Variants in DGKH observed in about 807,000 individuals in gnomAD.
DGKH encodes the protein diacylglycerol kinase eta.
Under a neutral mutation model 159.3 loss-of-function variants are expected in DGKH, and 90 were observed. The observed-to-expected ratio is 0.57, with a 90% CI of 0.48 to 0.67. The LOEUF is 0.67. Among genes scored for constraint, DGKH ranks in the 30% least tolerant of loss-of-function variants. DGKH has a pLI of 0.00. For missense variants in DGKH, 1,181 were observed against 1,506.1 expected (o/e 0.78, Z 3.57); for synonymous variants, 536 against 553.8 (o/e 0.97, Z 0.45).
At chr13:42,227,341 A>G (rs1958158574) in intron 29 of DGKH, among the ~76,000 whole-genome samples, 1 of 152,234 alleles carries the variant, frequency 6.6e-6, no homozygotes, top group Admixed American at 6.5e-5. Flanking sequence ...TTATACCAAA[A>G]TAGTAATTCT....
At chr13:42,217,094 A>G in intron 26 of DGKH, among the ~76,000 whole-genome samples, 1 of 152,224 alleles carries the variant, frequency 6.6e-6, no homozygotes, top group East Asian at 1.9e-4. Flanking sequence ...ACTTTTGACA[A>G]TAGTGATATT....
intron 1 of DGKH, among the ~76,000 whole-genome samples, chr13:42,097,553 G>A (rs1207208468): frequency 1.3e-5 from 2 of 152,278 alleles, no homozygotes; most frequent in Non-Finnish European, 1.5e-5. Flanking sequence ...TGTAGCCCCA[G>A]ATGCCGGCAA....
At chr13:42,167,106 T>A (rs1232733741) in intron 9 of DGKH, among the ~76,000 whole-genome samples, 2 of 151,970 alleles carry the variant, frequency 1.3e-5, no homozygotes, top group Non-Finnish European at 2.9e-5. Context: ...CAGACTCAGT[T>A]CACATAAATG....
At chr13:42,220,590 C>T (rs947492098) in intron 28 of DGKH, among the ~76,000 whole-genome samples, 8 of 152,116 alleles carry the variant, frequency 5.3e-5, no homozygotes, top group Middle Eastern at 3.4e-3. Flanking sequence ...ATTTAAAAAC[C>T]AAATACAGCA....
intron 21 of DGKH, among the ~76,000 whole-genome samples, chr13:42,207,173 C>T (rs1037151128): frequency 1.1e-4 from 10 of 91,368 alleles, no homozygotes; most frequent in East Asian, 8.8e-4. Flanking sequence ...TTCCTTCCTT[C>T]CTTCCTTCCT....
intron 26 of DGKH, chr13:42,216,505 CAT>C (rs2138227397): frequency 6.6e-6 from 1 of 152,302 alleles, no homozygotes; most frequent in Admixed American, 6.5e-5. Context: ...TACTAAGAGT[CAT>C]AGTATCTGGC....
intron 26 of DGKH, 82 bp downstream of exon 26, chr13:42,215,749 C>A: frequency 3.1e-6 from 4 of 1,286,084 alleles, no homozygotes; most frequent in Non-Finnish European, 2.2e-6. Flanking sequence ...AGGCATTTGG[C>A]AGATTCTAAG....
intron 1 of DGKH, among the ~76,000 whole-genome samples, chr13:42,053,529 TATATATGTATATATATAAC>T (rs1170918176): frequency 4.5e-5 from 3 of 66,032 alleles, no homozygotes; most frequent in African/African-American, 1.9e-4. Flanking sequence ...TATATATAAC[TATATATGTATATATATAAC>T]TATATATGTA....
At chr13:42,139,925 C>T (rs1287731657) in intron 3 of DGKH, among the ~76,000 whole-genome samples, 1 of 152,076 alleles carries the variant, frequency 6.6e-6, no homozygotes, top group African/African-American at 2.4e-5. Context: ...ACGAGGAACT[C>T]GCCTCCCAAC....
chr13:42,155,281 T>C lies in DGKH; in HGVS notation c.385-10T>C. The C allele has an allele frequency of 1.3e-6, 2 of 1,578,868 alleles. No homozygotes were observed. The highest frequency in any genetic ancestry group is 1.7e-6 in the Non-Finnish European group (2 of 1,166,988). ...TATTAACAATCATTAGATTGAATTA[T>C]CCCTTTCAGATCATCACTCCATTCA... On this transcript the variant is annotated splice_polypyrimidine_tract_variant and intron_variant, in intron 3 of 29. Transcript: ENST00000337343.
chr13:42,143,432 T>G (rs1425017340), intron 3 of DGKH, among the ~76,000 whole-genome samples: 2 of 152,150 alleles, frequency 1.3e-5, no homozygotes, highest in Non-Finnish European at 2.9e-5. Context: ...TTAGGGAGGA[T>G]TCCTTCTTTT....
At position 42,194,949 on chromosome 13, in the gene DGKH, C is replaced by T. The variant is rs1957167572; in HGVS notation, c.2100C>T (p.Val700=). The change falls in exon 17 of 30, where the codon GTC becomes GTT. Residue 700 remains valine (V), a synonymous_variant. Coordinates refer to ENST00000337343, the MANE Select transcript of DGKH (RefSeq NM_178009.5). ...ASYGHSQTDS[V]PGPAVAASKE... ...ATGGCCATTCCCAAACTGATTCTGTCCCTGGTCCAGCTGTGGCAGCCAGCA... is the reference window on the plus strand; with the variant it reads ...ATGGCCATTCCCAAACTGATTCTGTTCCTGGTCCAGCTGTGGCAGCCAGCA... The T allele has an allele frequency of 6.2e-7, 1 of 1,614,074 alleles. No homozygotes were observed. Among genetic ancestry groups the T allele is most frequent in the East Asian group, 2.2e-5 (1 of 44,880 alleles).
intron 1 of DGKH, chr13:42,069,157 A>G (rs1192136903): frequency 2.2e-6 from 3 of 1,375,956 alleles, no homozygotes; most frequent in East Asian, 2.3e-5. Context: ...CCCATCCTCT[A>G]CTGGCTCAGT....
chr13:42,222,788 T>TA (rs1354049196), intron 29 of DGKH, among the ~76,000 whole-genome samples: 1 of 152,152 alleles, frequency 6.6e-6, no homozygotes, highest in Non-Finnish European at 1.5e-5. Flanking sequence ...TGTGTATGTA[T>TA]AAAAAATATA....
Position 42,067,869 on chromosome 13 carries a change from G to A in DGKH, c.192+18904G>A, listed in dbSNP as rs376177297. On this transcript the variant is annotated intron_variant, in intron 1 of 29. Coordinates refer to ENST00000337343, the MANE Select transcript of DGKH (RefSeq NM_178009.5). Reference sequence around the variant, plus strand: ...CTAATTTTATTCATGCTTGCCTTGGGATGGGGAATAGATCATTCAGTGAAA... The same window carrying A: ...CTAATTTTATTCATGCTTGCCTTGGAATGGGGAATAGATCATTCAGTGAAA... 7.9e-5 allele frequency among the ~76,000 whole-genome samples: 12 copies of A among 152,194 alleles called. No homozygotes were observed. In the South Asian group the frequency reaches 2.1e-3, roughly 26 times the overall value.
chr13:42,126,080 A>G (rs1390018226), intron 1 of DGKH, among the ~76,000 whole-genome samples: 3 of 152,198 alleles, frequency 2.0e-5, no homozygotes, highest in East Asian at 1.9e-4. Flanking sequence ...GTAATCCTAT[A>G]GAAAGGCTCT....
chr13:42,189,196 G>T lies in DGKH; in HGVS notation c.1799G>T (p.Gly600Val), dbSNP rs2138106930. The change falls in exon 15 of 30, where the codon GGG becomes GTG. Residue 600 changes from glycine (G) to valine (V), a missense_variant. Transcript: ENST00000337343. ...ESLGESKEQL[G>V]DDVTKPSSQK... ...CTGGGTGAAAGCAAAGAGCAGCTTGGGGATGACGTTACAAAACCTTCCTCC... is the reference window on the plus strand; with the variant it reads ...CTGGGTGAAAGCAAAGAGCAGCTTGTGGATGACGTTACAAAACCTTCCTCC... 6.2e-7 allele frequency: 1 copy of T among 1,614,188 alleles called. No individual in the cohort carries two copies. The highest frequency in any genetic ancestry group is 8.5e-7 in the Non-Finnish European group (1 of 1,180,024).
chr13:42,165,551 A>T lies in DGKH; in HGVS notation c.958+118A>T, dbSNP rs566153195. ...TGACTATTGTAGTCAGTTTTTCTAA[A>T]ATAATTCCATTTAAATTGCTGAAAG... is the stretch of plus-strand genomic sequence containing the variant. On this transcript the variant is annotated intron_variant, in intron 8 of 29. Coordinates refer to ENST00000337343, the MANE Select transcript of DGKH (RefSeq NM_178009.5). 2.8e-5 allele frequency: 14 copies of T among 506,374 alleles called. 1 individual carries two copies. The highest frequency in any genetic ancestry group is 2.4e-4 in the African/African-American group (12 of 50,128). 31.4% of individuals were successfully genotyped at this position (506,374 alleles called of 1,614,324 possible).
At chr13:42,127,744 C>A (rs2137841486) in intron 2 of DGKH, among the ~76,000 whole-genome samples, 171 bp downstream of exon 2, 1 of 152,302 alleles carries the variant, frequency 6.6e-6, no homozygotes, top group East Asian at 1.9e-4. Flanking sequence ...CTATTTGAGT[C>A]AGTCCCATAA....
Sources: allele counts gnomAD v4.1 joint callset (sites outside exome capture counted in the v4.1 genomes callset), GRCh38; gene constraint gnomAD v4.1.1; transcripts MANE v1.5; gene names NCBI Gene and HGNC (gene_info 2026-07-23, HGNC 2026-07-21).